FAM168A: variants seen among roughly 807,000 people sequenced by gnomAD.
FAM168A encodes the protein protein FAM168A.
In FAM168A, 3 loss-of-function variants were observed where a neutral mutation model predicts 28.5. The ratio of observed to expected loss-of-function variants is 0.11; its 90% CI spans 0.05 to 0.27. The LOEUF (loss-of-function observed/expected upper bound fraction) is 0.27. FAM168A is among the 10% of genes least tolerant of loss of function. The pLI is 1.00. For synonymous variants in FAM168A, 122 were observed against 124.2 expected (o/e 0.98, Z 0.12); for missense variants, 222 against 311.5 (o/e 0.71, Z 2.16).
At chr11:73,527,444 T>C (rs1032932813) in intron 1 of FAM168A, among the ~76,000 whole-genome samples, 1 of 152,218 alleles carries the variant, frequency 6.6e-6, no homozygotes, top group African/African-American at 2.4e-5. Flanking sequence ...TATTGAGCAC[T>C]AGCATATGCA....
At chr11:73,529,781 A>G (rs1943492851) in intron 1 of FAM168A, among the ~76,000 whole-genome samples, 1 of 142,362 alleles carries the variant, frequency 7.0e-6, no homozygotes, top group African/African-American at 2.9e-5. Context: ...TCCTTCATTC[A>G]AACAACTTTT....
intron 1 of FAM168A, among the ~76,000 whole-genome samples, chr11:73,526,816 T>C (rs1943452045): frequency 6.8e-6 from 1 of 146,966 alleles, no homozygotes; most frequent in African/African-American, 2.5e-5. Context: ...GTTTTGGCTT[T>C]TGAAGATCTC....
intron 1 of FAM168A, among the ~76,000 whole-genome samples, chr11:73,539,996 A>G (rs1433720667): frequency 5.3e-5 from 8 of 152,260 alleles, no homozygotes; most frequent in Admixed American, 2.0e-4. Context: ...GTTTCTTTCC[A>G]TAATAAATGA....
intron 1 of FAM168A, chr11:73,510,567 A>G (rs923129471): frequency 8.5e-6 from 2 of 234,156 alleles, no homozygotes; most frequent in Admixed American, 1.1e-4. Context: ...TCCTCTGTAA[A>G]ATGAGCAGGG....
At chr11:73,461,765 G>A (rs180789283) in intron 2 of FAM168A, among the ~76,000 whole-genome samples, 1 of 152,272 alleles carries the variant, frequency 6.6e-6, no homozygotes, top group Non-Finnish European at 1.5e-5. Flanking sequence ...ACTGGGGACA[G>A]GGGTATATGA....
intron 3 of FAM168A, among the ~76,000 whole-genome samples, chr11:73,426,849 T>C (rs542304384): frequency 6.6e-6 from 1 of 152,260 alleles, no homozygotes; most frequent in East Asian, 1.9e-4. Context: ...TACAATACTC[T>C]AACGCTACCC....
At chr11:73,458,735 C>A (rs557034423) in intron 2 of FAM168A, among the ~76,000 whole-genome samples, 104 of 152,082 alleles carry the variant, frequency 6.8e-4, no homozygotes, top group Non-Finnish European at 1.2e-3. Flanking sequence ...CTCAGACTCC[C>A]GAGTAGCTGG....
chr11:73,587,165 A>C lies in FAM168A; in HGVS notation c.-19+10758T>G, dbSNP rs895494428. On this transcript the variant is annotated intron_variant, in intron 1 of 7. Coordinates refer to ENST00000356467, the MANE Select transcript of FAM168A (RefSeq NM_015159.3). ...TCATGGACATGTTAAAAAAAAAAAA[A>C]AAAAAAAAAAAAACTAAGTTTCAGT... Among the ~76,000 whole-genome samples the C allele has an allele frequency of 1.6e-4, 24 of 149,534 alleles. 1 individual carries two copies. The highest frequency in any genetic ancestry group is 5.2e-4 in the African/African-American group (21 of 40,732).
At chr11:73,476,817 G>A (rs58850636) in intron 1 of FAM168A, among the ~76,000 whole-genome samples, 12,585 of 152,102 alleles carry the variant, frequency 0.083, 1,583 homozygotes, top group African/African-American at 0.27. Context: ...TTCAAGAGAG[G>A]CTCAGAAGCA....
At chr11:73,592,164 G>A (rs1283528333) in intron 1 of FAM168A, among the ~76,000 whole-genome samples, 1 of 152,168 alleles carries the variant, frequency 6.6e-6, no homozygotes, top group Non-Finnish European at 1.5e-5. Flanking sequence ...CCTTCAAAAT[G>A]TCTATATCTA....
intron 2 of FAM168A, among the ~76,000 whole-genome samples, chr11:73,460,044 C>T (rs1039837695): frequency 3.9e-5 from 6 of 152,068 alleles, no homozygotes; most frequent in African/African-American, 1.4e-4. Flanking sequence ...CCATGCCTGG[C>T]TAATTTTTTG....
At chr11:73,513,638 C>T (rs767686224) in intron 1 of FAM168A, among the ~76,000 whole-genome samples, 1 of 152,120 alleles carries the variant, frequency 6.6e-6, no homozygotes, top group East Asian at 1.9e-4. Flanking sequence ...ATACATTAGA[C>T]GTCACATCCT....
intron 1 of FAM168A, among the ~76,000 whole-genome samples, chr11:73,559,609 T>C (rs979585744): frequency 1.3e-5 from 2 of 152,092 alleles, no homozygotes; most frequent in Admixed American, 6.5e-5. Flanking sequence ...GAAAAGCAGA[T>C]TAGTTGCCGC....
intron 1 of FAM168A, among the ~76,000 whole-genome samples, chr11:73,586,522 T>C (rs920546002): frequency 2.0e-5 from 3 of 152,198 alleles, no homozygotes; most frequent in Non-Finnish European, 4.4e-5. Context: ...TAAGAGGGCC[T>C]AGCACAATGT....
chr11:73,583,037 G>T (rs1944266911), intron 1 of FAM168A, among the ~76,000 whole-genome samples: 1 of 152,026 alleles, frequency 6.6e-6, no homozygotes, highest in Non-Finnish European at 1.5e-5. Context: ...AGGTGCAATG[G>T]CTCATGCCTA....
intron 2 of FAM168A, among the ~76,000 whole-genome samples, chr11:73,435,107 A>G (rs1867065232): frequency 6.6e-6 from 1 of 152,184 alleles, no homozygotes; most frequent in African/African-American, 2.4e-5. Context: ...ATTTGTAAAT[A>G]CTGGAGCTTT....
rs571378673 is a variant in FAM168A, at chr11:73,406,667, T to C, written c.*96A>G. ...CACTTCCGTTGTCTCTTCTTGCAAA[T>C]AGAGGTGGTGCTGCTAGGGAACTGC... is the stretch of plus-strand genomic sequence containing the variant. On this transcript the variant is annotated 3_prime_UTR_variant, in exon 8 of 8. Transcript: ENST00000356467. 1 of 152,732 alleles carries C rather than the reference T, an allele frequency of 6.5e-6. No individual in the cohort carries two copies. The highest frequency in any genetic ancestry group is 2.4e-5 in the African/African-American group (1 of 41,566). The allele number at this position is 152,732 out of a possible 1,614,324, so 9.5% of individuals were successfully genotyped here.
intron 1 of FAM168A, among the ~76,000 whole-genome samples, chr11:73,574,928 C>T (rs1209941365): frequency 6.6e-6 from 1 of 151,654 alleles, no homozygotes; most frequent in African/African-American, 2.4e-5. Flanking sequence ...TCCCCTGATA[C>T]TCTACTAGCA....
intron 1 of FAM168A, among the ~76,000 whole-genome samples, chr11:73,500,261 T>A (rs912270528): frequency 1.5e-4 from 22 of 148,274 alleles, no homozygotes; most frequent in African/African-American, 5.5e-4. Flanking sequence ...AATTCCTTTT[T>A]TTTTTTTTTT....
Sources: gnomAD v4.1 joint callset for allele counts (sites outside exome capture counted in the v4.1 genomes callset) on GRCh38, gnomAD v4.1.1 for gene constraint, MANE v1.5 for transcripts, NCBI Gene and HGNC (gene_info 2026-07-23, HGNC 2026-07-21) for gene names.